Variants in UMAD1 observed in about 807,000 individuals in gnomAD.
UMAD1 encodes the protein UBAP1-MVB12-associated (UMA)-domain containing protein 1.
A neutral mutation model predicts 6.1 loss-of-function variants in UMAD1; 8 were observed. The ratio of observed to expected loss-of-function variants is 1.30; its 90% CI spans 0.76 to 2.35. UMAD1 has a LOEUF of 2.35. Ranked by LOEUF, UMAD1 falls within the 30% of genes most tolerant of loss-of-function variation. The probability of loss-of-function intolerance (pLI) is 0.00; values close to 1 mark genes in which losing one functional copy is unlikely to be tolerated. For missense variants in UMAD1, 130 were observed against 78.4 expected, an observed-to-expected ratio of 1.66 and a Z score of -2.49; for synonymous variants, 56 against 31.4, an observed-to-expected ratio of 1.78 and a Z score of -2.61.
chr7:7,703,428 T>G (rs1563137880), intron 2 of UMAD1, among the ~76,000 whole-genome samples: 1 of 152,248 alleles, frequency 6.6e-6, no homozygotes, highest in Non-Finnish European at 1.5e-5. Flanking sequence ...TTGTGAGTGC[T>G]CTAATTTCTT....
At chr7:7,735,166 C>G (rs145252378) in intron 2 of UMAD1, among the ~76,000 whole-genome samples, 1 of 152,154 alleles carries the variant, frequency 6.6e-6, no homozygotes, top group African/African-American at 2.4e-5. Flanking sequence ...AATATTGTTG[C>G]AAGGTCAAAA....
chr7:7,847,087 CAAAAAA>C (rs1190292068), intron 3 of UMAD1, among the ~76,000 whole-genome samples: 165 of 6,206 alleles, frequency 0.027, 12 homozygotes, highest in South Asian at 0.051. Context: ...GACAGCAATG[CAAAAAA>C]AAAAAAAAAA....
intron 3 of UMAD1, among the ~76,000 whole-genome samples, chr7:7,857,498 T>G (rs529484957): frequency 3.3e-5 from 5 of 152,354 alleles, no homozygotes; most frequent in African/African-American, 1.2e-4. Context: ...TTGAATGCAG[T>G]CAGTCCCTGT....
At chr7:7,852,953 A>G (rs1783945643) in intron 3 of UMAD1, among the ~76,000 whole-genome samples, 1 of 152,142 alleles carries the variant, frequency 6.6e-6, no homozygotes, top group South Asian at 2.1e-4. Flanking sequence ...ATGAGGCAGG[A>G]CCCTCTCTGG....
chr7:7,686,164 A>G (rs755331475), intron 2 of UMAD1, among the ~76,000 whole-genome samples: 63 of 152,338 alleles, frequency 4.1e-4, no homozygotes, highest in Non-Finnish European at 6.8e-4. Context: ...AAGGTATGGT[A>G]GAGGAGCAAA....
intron 2 of UMAD1, among the ~76,000 whole-genome samples, chr7:7,726,120 A>C (rs1779016297): frequency 6.6e-6 from 1 of 152,226 alleles, no homozygotes; most frequent in Admixed American, 6.5e-5. Flanking sequence ...CATGATTGGA[A>C]AATTGGTGAC....
chr7:7,829,020 A>G (rs1783406488), intron 3 of UMAD1, among the ~76,000 whole-genome samples: 1 of 152,206 alleles, frequency 6.6e-6, no homozygotes, highest in African/African-American at 2.4e-5. Context: ...ATGTCTATAT[A>G]ATATTGATCA....
intron 2 of UMAD1, among the ~76,000 whole-genome samples, chr7:7,771,760 T>G (rs914274557): frequency 6.6e-6 from 1 of 152,054 alleles, no homozygotes; most frequent in African/African-American, 2.4e-5. Context: ...TCACATTAGC[T>G]ATGGCCCACT....
intron 3 of UMAD1, among the ~76,000 whole-genome samples, chr7:7,804,825 C>T (rs1166114702): frequency 6.6e-6 from 1 of 151,826 alleles, no homozygotes; most frequent in Non-Finnish European, 1.5e-5. Context: ...ACTAAAAATA[C>T]AAAAAATTAG....
chr7:7,814,029 G>T lies in UMAD1; in HGVS notation c.156+12286G>T, dbSNP rs553392722. ...AGACGGAGTCTCGCTCTGTTGCCAG[G>T]CTGGAGCACAGTGGCGTGATCTCGG... On this transcript the variant is annotated intron_variant, in intron 3 of 3. Coordinates refer to ENST00000682710, the MANE Select transcript of UMAD1 (RefSeq NM_001302348.2). Among the ~76,000 whole-genome samples the T allele has an allele frequency of 5.9e-5, 9 of 152,114 alleles. No individual in the cohort carries two copies. The East Asian group carries it at 1.7e-3, about 29-fold the overall frequency.
intron 2 of UMAD1, among the ~76,000 whole-genome samples, chr7:7,686,521 A>G (rs1377773215): frequency 6.6e-6 from 1 of 152,212 alleles, no homozygotes; most frequent in East Asian, 1.9e-4. Flanking sequence ...AACTAATTGC[A>G]GCATCATGTC....
At chr7:7,848,309 GT>G (rs1179683670) in intron 3 of UMAD1, among the ~76,000 whole-genome samples, 2 of 152,108 alleles carry the variant, frequency 1.3e-5, no homozygotes, top group Non-Finnish European at 2.9e-5. Context: ...CATGATTAAT[GT>G]TTTCAGAAAG....
chr7:7,685,837 G>C (rs191690794), intron 2 of UMAD1: 1 of 152,218 alleles, frequency 6.6e-6, no homozygotes, highest in Non-Finnish European at 1.5e-5. Flanking sequence ...TACCTTGGAA[G>C]AATAGTATCT....
At chr7:7,756,002 T>G (rs1781768096) in intron 2 of UMAD1, among the ~76,000 whole-genome samples, 1 of 152,224 alleles carries the variant, frequency 6.6e-6, no homozygotes, top group Admixed American at 6.5e-5. Context: ...TAAACCACAT[T>G]GCTTGGAATA....
chr7:7,828,132 A>G (rs1000459206), intron 3 of UMAD1, among the ~76,000 whole-genome samples: 5 of 152,198 alleles, frequency 3.3e-5, no homozygotes, highest in African/African-American at 9.6e-5. Flanking sequence ...CCTTTCATCA[A>G]TTTCAAAATA....
intron 2 of UMAD1, among the ~76,000 whole-genome samples, chr7:7,695,982 T>G (rs1248416955): frequency 3.5e-5 from 2 of 57,404 alleles, no homozygotes; most frequent in African/African-American, 2.4e-4. Flanking sequence ...TATATCTCCG[T>G]TTTTTTTTTT....
chr7:7,677,251 A>C (rs1001873287), intron 2 of UMAD1, among the ~76,000 whole-genome samples: 2 of 152,166 alleles, frequency 1.3e-5, no homozygotes, highest in African/African-American at 4.8e-5. Context: ...TGTTAGCAAC[A>C]TTCAATTTCC....
intron 2 of UMAD1, among the ~76,000 whole-genome samples, chr7:7,754,854 A>T (rs772138413): frequency 2.0e-5 from 3 of 152,236 alleles, no homozygotes; most frequent in African/African-American, 4.8e-5. Flanking sequence ...TCCACAAACG[A>T]GATCATACTC....
intron 2 of UMAD1, among the ~76,000 whole-genome samples, chr7:7,677,953 G>A (rs937891537): frequency 5.3e-5 from 8 of 151,920 alleles, no homozygotes; most frequent in Admixed American, 1.3e-4. Flanking sequence ...GATTACAGGC[G>A]TGAGCCACCG....
Sources: gnomAD v4.1 joint callset for allele counts (sites outside exome capture counted in the v4.1 genomes callset) on GRCh38, gnomAD v4.1.1 for gene constraint, MANE v1.5 for transcripts, NCBI Gene and HGNC (gene_info 2026-07-23, HGNC 2026-07-21) for gene names.